Variants in SLCO3A1 observed in about 807,000 individuals in gnomAD.
SLCO3A1 encodes PGE1 transporter.
A neutral mutation model predicts 63.1 loss-of-function variants in SLCO3A1; 27 were observed. The ratio of observed to expected loss-of-function variants is 0.43; its 90% CI spans 0.32 to 0.59. The LOEUF is 0.59. Ranked by LOEUF, SLCO3A1 falls within the 20% of genes least tolerant of loss-of-function variation. The pLI is 0.09. For synonymous variants in SLCO3A1, 473 were observed against 409.9 expected (o/e 1.15, Z -1.86); for missense variants, 773 against 945.8 (o/e 0.82, Z 2.40).
chr15:91,863,172 A>C lies in SLCO3A1; in HGVS notation c.180+9084A>C, dbSNP rs1023456805. On this transcript the variant is annotated intron_variant, in intron 1 of 9. Transcript: ENST00000318445. This position sits in a 1 kb window ranked among gnomAD's most constrained non-coding sequence, Gnocchi z 4.3. ...ATTATGGTGATCCAACCTGTAAAATAAACAGTGGGGCTGATTAATCTCTTT... is the reference window on the plus strand; with the variant it reads ...ATTATGGTGATCCAACCTGTAAAATCAACAGTGGGGCTGATTAATCTCTTT... Among the ~76,000 whole-genome samples, 2 of 152,258 alleles carry C rather than the reference A, an allele frequency of 1.3e-5. No individual in the cohort carries two copies. The highest frequency in any genetic ancestry group is 1.9e-4 in the East Asian group (1 of 5,208).
At chr15:92,036,136 A>G (rs1446410898) in intron 2 of SLCO3A1, among the ~76,000 whole-genome samples, 1 of 152,220 alleles carries the variant, frequency 6.6e-6, no homozygotes, top group Non-Finnish European at 1.5e-5. Flanking sequence ...TCTGTTTTCT[A>G]GATTTCTCCT....
At chr15:92,171,481 A>C in intron 10 of SLCO3A1, 1 of 300,082 alleles carries the variant, frequency 3.3e-6, no homozygotes, top group South Asian at 5.5e-5. Flanking sequence ...GATAAGGATA[A>C]ATTATTGACT....
chr15:91,922,268 C>T (rs1898876160), intron 2 of SLCO3A1, among the ~76,000 whole-genome samples: 1 of 152,124 alleles, frequency 6.6e-6, no homozygotes, highest in South Asian at 2.1e-4. Context: ...AGAATGGGAG[C>T]TGGCCAGCGG....
At position 92,163,492 on chromosome 15, in the gene SLCO3A1, G is replaced by A; in HGVS notation, c.*357G>A. ...CCAGCTTGGAGGATGGACATTTCTG[G>A]ATACACATACACATACAAAACAGAA... On this transcript the variant is annotated 3_prime_UTR_variant, in exon 10 of 10. Coordinates refer to ENST00000318445, the MANE Select transcript of SLCO3A1 (RefSeq NM_013272.4). 2.0e-6 allele frequency: 2 copies of A among 1,011,278 alleles called. No homozygotes were observed. Among genetic ancestry groups the A allele is most frequent in the Non-Finnish European group, 2.4e-6 (2 of 848,168 alleles). 62.6% of individuals were successfully genotyped at this position (1,011,278 alleles called of 1,614,324 possible). A position where few individuals can be genotyped will look rare whatever the true frequency, so the allele number is the denominator to read the frequency against.
chr15:91,954,051 G>A lies in SLCO3A1; in HGVS notation c.646+37593G>A, dbSNP rs1218723930. The stretch of plus-strand genomic sequence containing the variant: ...TAGAAATTAAAACTGAGGATACACA[G>A]GTGTGTGTTCTGTTAGCCATGGGCG... On this transcript the variant is annotated intron_variant, in intron 2 of 9. Coordinates refer to ENST00000318445, the MANE Select transcript of SLCO3A1 (RefSeq NM_013272.4). This position sits in a 1 kb window ranked among gnomAD's most constrained non-coding sequence, Gnocchi z 4.7. 6.6e-6 allele frequency among the ~76,000 whole-genome samples: 1 copy of A among 152,134 alleles called. No individual in the cohort carries two copies. The highest frequency in any genetic ancestry group is 1.5e-5 in the Non-Finnish European group (1 of 68,032).
At chr15:92,006,920 G>A (rs557418420) in intron 2 of SLCO3A1, among the ~76,000 whole-genome samples, 2 of 152,324 alleles carry the variant, frequency 1.3e-5, no homozygotes, top group East Asian at 1.9e-4. Flanking sequence ...GAGAACCAGA[G>A]TCCTTTACTT....
chr15:92,157,044 G>T (rs2283454), intron 9 of SLCO3A1: 113,151 of 152,170 alleles, frequency 0.74, 42,545 homozygotes, highest in African/African-American at 0.86. Flanking sequence ...TGTGCAGCAA[G>T]TTATGCATTG....
At chr15:92,152,113 C>T (rs913443934) in intron 9 of SLCO3A1, among the ~76,000 whole-genome samples, 1 of 152,210 alleles carries the variant, frequency 6.6e-6, no homozygotes, top group African/African-American at 2.4e-5. Context: ...AGAAGAGTAT[C>T]AGCTATTATC....
intron 7 of SLCO3A1, among the ~76,000 whole-genome samples, chr15:92,129,494 G>A (rs956785371): frequency 6.6e-6 from 1 of 152,084 alleles, no homozygotes; most frequent in African/African-American, 2.4e-5. Flanking sequence ...TTTTCTCCCT[G>A]AAGTCCTTCG....
Position 91,859,682 on chromosome 15 carries a change from T to A in SLCO3A1, c.180+5594T>A, listed in dbSNP as rs146829605. Among the ~76,000 whole-genome samples the A allele has an allele frequency of 0.014, 2,084 of 152,322 alleles. 84 individuals carry two copies. The highest frequency in any genetic ancestry group is 0.074 in the Admixed American group (1,135 of 15,298). On this transcript the variant is annotated intron_variant, in intron 1 of 9. Coordinates refer to ENST00000318445, the MANE Select transcript of SLCO3A1 (RefSeq NM_013272.4). This position sits in a 1 kb window ranked among gnomAD's most constrained non-coding sequence, Gnocchi z 5.1. ...TTTCATTTTATAACTGGGGTTATAATAGTACCTACCCTCTGTTTTGCTGTG... is the reference window on the plus strand; with the variant it reads ...TTTCATTTTATAACTGGGGTTATAAAAGTACCTACCCTCTGTTTTGCTGTG...
At position 92,164,824 on chromosome 15, in the gene SLCO3A1, G is replaced by A. The variant is rs550989629; in HGVS notation, c.*1689G>A. The A allele has an allele frequency of 6.6e-5, 65 of 985,294 alleles. No homozygotes were observed. The East Asian group carries it at 3.9e-3, about 58-fold the overall frequency. The allele number at this position is 985,294 out of a possible 1,614,324, so 61.0% of individuals were successfully genotyped here. A position where few individuals can be genotyped will look rare whatever the true frequency, so the allele number is the denominator to read the frequency against. On this transcript the variant is annotated 3_prime_UTR_variant, in exon 10 of 10. Transcript: ENST00000318445. The stretch of plus-strand genomic sequence containing the variant: ...GCAACCAGCACACTAGGCCTTCTAC[G>A]GCCATTTCTGTAAGGGGACAGAGCT...
At chr15:92,134,092 A>C (rs1405124060) in intron 7 of SLCO3A1, among the ~76,000 whole-genome samples, 9 of 152,234 alleles carry the variant, frequency 5.9e-5, no homozygotes, top group Admixed American at 5.9e-4. Context: ...TGGAACTGAG[A>C]AGCGCTGGCC....
intron 2 of SLCO3A1, among the ~76,000 whole-genome samples, chr15:92,050,177 C>G (rs918650195): frequency 1.3e-5 from 2 of 152,220 alleles, no homozygotes; most frequent in African/African-American, 2.4e-5. Context: ...TCTGGTGATG[C>G]TGCCTCTGCT....
chr15:92,123,717 A>T (rs530889212), intron 5 of SLCO3A1, among the ~76,000 whole-genome samples: 1 of 152,216 alleles, frequency 6.6e-6, no homozygotes, highest in Non-Finnish European at 1.5e-5. Flanking sequence ...TGAAGAGTTT[A>T]TCTCTCACCT....
intron 2 of SLCO3A1, among the ~76,000 whole-genome samples, chr15:91,988,923 C>T (rs2046090054): frequency 6.6e-6 from 1 of 152,172 alleles, no homozygotes; most frequent in African/African-American, 2.4e-5. Flanking sequence ...AGGGGAAAAG[C>T]ACATCAACTA....
intron 7 of SLCO3A1, among the ~76,000 whole-genome samples, chr15:92,130,990 C>G (rs2047988598): frequency 6.6e-6 from 1 of 151,406 alleles, no homozygotes; most frequent in Non-Finnish European, 1.5e-5. Flanking sequence ...AATGTGAGTT[C>G]AGCCATTTTC....
At chr15:91,992,188 T>G (rs2046134504) in intron 2 of SLCO3A1, among the ~76,000 whole-genome samples, 1 of 152,242 alleles carries the variant, frequency 6.6e-6, no homozygotes, top group African/African-American at 2.4e-5. Flanking sequence ...GTGAGTGTTT[T>G]GTCTATAAGC....
At chr15:92,089,187 C>T (rs1488865004) in intron 2 of SLCO3A1, among the ~76,000 whole-genome samples, 13 of 152,072 alleles carry the variant, frequency 8.5e-5, no homozygotes, top group African/African-American at 1.4e-4. Flanking sequence ...CCACTACGCC[C>T]GGCTAATTTT....
intron 5 of SLCO3A1, among the ~76,000 whole-genome samples, chr15:92,125,606 C>A (rs1294722122): frequency 6.6e-6 from 1 of 152,068 alleles, no homozygotes; most frequent in Non-Finnish European, 1.5e-5. Flanking sequence ...ACCCTCCCTT[C>A]TTGCCTCATT....
Sources: gnomAD v4.1 joint callset for allele counts (sites outside exome capture counted in the v4.1 genomes callset) on GRCh38, gnomAD v4.1.1 for gene constraint, Gnocchi (gnomAD v3.1) non-coding constraint, MANE v1.5 for transcripts, NCBI Gene and HGNC (gene_info 2026-07-23, HGNC 2026-07-21) for gene names.